Variants in GSE1 observed in about 807,000 individuals in gnomAD.
The protein encoded by GSE1 is Gse1 coiled-coil protein.
In GSE1, 32 loss-of-function variants were observed where a neutral mutation model predicts 112.6. That is an observed-to-expected ratio of 0.28 (90% confidence interval 0.21 to 0.38). GSE1 has a LOEUF of 0.38. GSE1 is among the 10% of genes least tolerant of loss of function. GSE1 has a pLI of 1.00. For missense variants in GSE1, 2,348 were observed against 1,699.2 expected (o/e 1.38, Z -6.71); for synonymous variants, 1,115 against 735.6 (o/e 1.52, Z -8.35).
At chr16:85,182,802 G>A (rs1228352879) in intron 1 of GSE1, among the ~76,000 whole-genome samples, 1 of 152,014 alleles carries the variant, frequency 6.6e-6, no homozygotes, top group Non-Finnish European at 1.5e-5. Context: ...CATGAGATGG[G>A]AGTGAAGCCC....
At chr16:85,347,164 A>G (rs2046760754) in intron 1 of GSE1, among the ~76,000 whole-genome samples, 1 of 150,736 alleles carries the variant, frequency 6.6e-6, no homozygotes, top group South Asian at 2.1e-4. Flanking sequence ...TCACCCTTGG[A>G]GGCAGGAGAT....
intron 1 of GSE1, among the ~76,000 whole-genome samples, chr16:85,189,410 G>C (rs946480473): frequency 6.6e-6 from 1 of 152,186 alleles, no homozygotes; most frequent in African/African-American, 2.4e-5. Context: ...TGTACACAGT[G>C]ATTCCTTGCC....
intron 2 of GSE1, among the ~76,000 whole-genome samples, chr16:85,432,666 G>GA (rs768549882): frequency 4.6e-5 from 7 of 152,238 alleles, no homozygotes; most frequent in East Asian, 1.9e-4. Flanking sequence ...CATTTCTAAT[G>GA]AAAAAACAGG....
chr16:85,515,954 G>T (rs914744648), intron 2 of GSE1, among the ~76,000 whole-genome samples: 8 of 152,168 alleles, frequency 5.3e-5, no homozygotes. Flanking sequence ...CACCGCACAC[G>T]TTGGGCAGGG....
At chr16:85,357,519 C>T (rs1242177427) in exon 2 of GSE1, 18 of 1,267,286 alleles carry the variant, frequency 1.4e-5, no homozygotes, top group Non-Finnish European at 1.4e-5. Context: ...CCCGGGAGTC[C>T]GAGACCCGGC....
At chr16:85,560,312 T>A (rs2045458522) in intron 1 of GSE1, among the ~76,000 whole-genome samples, 2 of 151,998 alleles carry the variant, frequency 1.3e-5, no homozygotes, top group African/African-American at 4.8e-5. Context: ...ATTTTTTGTA[T>A]TTTTAGTAGA....
intron 1 of GSE1, among the ~76,000 whole-genome samples, chr16:85,215,403 G>A (rs575058835): frequency 6.6e-6 from 1 of 152,298 alleles, no homozygotes; most frequent in South Asian, 2.1e-4. Flanking sequence ...ACACTCAGAA[G>A]GGGAAGGGTT....
At chr16:85,331,591 G>GTATATA (rs1190864500) in intron 1 of GSE1, among the ~76,000 whole-genome samples, 3 of 133,574 alleles carry the variant, frequency 2.2e-5, no homozygotes, top group African/African-American at 5.5e-5. Flanking sequence ...GTGTATATAT[G>GTATATA]TGTATATGTG....
At chr16:85,469,410 C>G in intron 2 of GSE1, among the ~76,000 whole-genome samples, 1 of 152,146 alleles carries the variant, frequency 6.6e-6, no homozygotes, top group Non-Finnish European at 1.5e-5. Flanking sequence ...CCACCAGATG[C>G]TGGAAGGGGC....
intron 2 of GSE1, among the ~76,000 whole-genome samples, chr16:85,639,800 G>A (rs578177983): frequency 1.3e-5 from 2 of 152,354 alleles, no homozygotes; most frequent in East Asian, 3.9e-4. Flanking sequence ...AGGCACCCTC[G>A]CAAGCTGTGT....
intron 2 of GSE1, among the ~76,000 whole-genome samples, chr16:85,400,505 GTGTC>G (rs1421986186): frequency 6.6e-6 from 1 of 151,660 alleles, no homozygotes; most frequent in Non-Finnish European, 1.5e-5. Context: ...TGTGTTGTGT[GTGTC>G]TGTGTGGTTG....
At chr16:85,626,772 GCGGGAGGC>G (rs368834236) in intron 1 of GSE1, among the ~76,000 whole-genome samples, 1 of 152,132 alleles carries the variant, frequency 6.6e-6, no homozygotes, top group Non-Finnish European at 1.5e-5. Flanking sequence ...TACGGGATCC[GCGGGAGGC>G]CGGGAGGGCG....
chr16:85,348,470 G>A (rs542295424), intron 1 of GSE1, among the ~76,000 whole-genome samples: 2 of 152,206 alleles, frequency 1.3e-5, no homozygotes, highest in East Asian at 1.9e-4. Flanking sequence ...CTTCACTCCC[G>A]CCCAGGTCCC....
At chr16:85,555,354 A>C, upstream of GSE1, 5 of 976,934 alleles carry the variant, frequency 5.1e-6, no homozygotes, top group Non-Finnish European at 6.0e-6. Context: ...CCTCTCTCTG[A>C]GTCAGTGGTG....
At chr16:85,472,292 G>A (rs554098141) in intron 2 of GSE1, among the ~76,000 whole-genome samples, 7 of 152,166 alleles carry the variant, frequency 4.6e-5, no homozygotes, top group Non-Finnish European at 8.8e-5. Context: ...CAAGGTGTGC[G>A]CAGGGCTGTG....
At chr16:85,619,784 T>C (rs1403160588) in intron 1 of GSE1, among the ~76,000 whole-genome samples, 1 of 152,178 alleles carries the variant, frequency 6.6e-6, no homozygotes, top group Non-Finnish European at 1.5e-5. Context: ...AGGGACTGAC[T>C]TGCTAGGCAG....
Position 85,284,035 on chromosome 16 carries a change from C to T in GSE1, c.2284-73428C>T, listed in dbSNP as rs1453673978. On this transcript the variant is annotated intron_variant, in intron 1 of 2. Transcript: ENST00000637419. ...GCGGGGAGGGAGGCAGGCTGCATGG[C>T]CTCCACAGTCCCTCCCAGCAATTAA... Among the ~76,000 whole-genome samples, 3 of 152,106 alleles carry T rather than the reference C, an allele frequency of 2.0e-5. 1 individual carries two copies. Among genetic ancestry groups the T allele is most frequent in the Non-Finnish European group, 4.4e-5 (3 of 68,014 alleles).
At position 85,246,454 on chromosome 16, in the gene GSE1, CACACA is replaced by C. The variant is rs1264407218; in HGVS notation, c.2283+74648_2283+74652del. ...CTCTCTACACACACACACACACACA[CACACA>C]CCCCACACGCTGCACACACACACAC... On this transcript the variant is annotated intron_variant, in intron 1 of 2. Transcript: ENST00000637419. Among the ~76,000 whole-genome samples, 7 of 116,008 alleles carry C rather than the reference CACACA, an allele frequency of 6.0e-5. No homozygotes were observed. In the East Asian group the frequency reaches 1.3e-3, roughly 21 times the overall value. 76.1% of individuals were successfully genotyped at this position (116,008 alleles called of 152,430 possible). A position where few individuals can be genotyped will look rare whatever the true frequency, so the allele number is the denominator to read the frequency against.
At chr16:85,418,452 G>C (rs550861937) in intron 2 of GSE1, among the ~76,000 whole-genome samples, 2 of 152,284 alleles carry the variant, frequency 1.3e-5, no homozygotes, top group South Asian at 2.1e-4. Flanking sequence ...TCTCCTGGCT[G>C]CCCATCCAGA....
Sources: gnomAD v4.1 joint callset for allele counts (sites outside exome capture counted in the v4.1 genomes callset) on GRCh38, gnomAD v4.1.1 for gene constraint, MANE v1.5 for transcripts, NCBI Gene and HGNC (gene_info 2026-07-23, HGNC 2026-07-21) for gene names.